The following SLC35C1 variants were observed in gnomAD, a reference collection of about 807,000 sequenced individuals.
SLC35C1 encodes the protein GDP-fucose transporter 1.
In SLC35C1, 8 loss-of-function variants were observed where a neutral mutation model predicts 23.2. The observed-to-expected ratio is 0.35, with a 90% CI of 0.20 to 0.62. SLC35C1 has a LOEUF of 0.62. SLC35C1 is among the 20% of genes least tolerant of loss of function. The pLI, the probability that SLC35C1 is intolerant of heterozygous loss-of-function variation, is 0.75. For synonymous variants in SLC35C1, 226 were observed against 225.1 expected, an observed-to-expected ratio of 1.00 and a Z score of -0.04; for missense variants, 422 against 478.6, an observed-to-expected ratio of 0.88 and a Z score of 1.10.
At chr11:45,804,987 G>T (rs2085851399), upstream of SLC35C1, 1 of 985,652 alleles carries the variant, frequency 1.0e-6, no homozygotes, top group Non-Finnish European at 1.2e-6. Flanking sequence ...GAGGTCCCCC[G>T]CCAGCAGCGG....
Position 45,806,223 on chromosome 11 carries a change from C to A in SLC35C1, c.422C>A (p.Ala141Asp). 1 of 1,606,954 alleles carries A rather than the reference C, an allele frequency of 6.2e-7. No homozygotes were observed. The change falls in exon 1 of 2, where the codon GCC (alanine) becomes GAC (aspartate). Residue 141 changes from alanine (A) to aspartate (D), a missense_variant. Physicochemically the swap from Ala to Asp is moderately radical, Grantham distance 126 (BLOSUM62 -2). Coordinates refer to ENST00000314134, the MANE Select transcript of SLC35C1 (RefSeq NM_018389.5). ...CTCTGCCTCAAGTACGTCGGTGTGGCCTTCTACAATGTGGGCCGCTCACTC... is the reference window on the plus strand; with the variant it reads ...CTCTGCCTCAAGTACGTCGGTGTGGACTTCTACAATGTGGGCCGCTCACTC... ...NNLCLKYVGV[A>D]FYNVGRSLTT...
Position 45,805,285 on chromosome 11 carries a change from C to A in SLC35C1, c.-517C>A. On this transcript the variant is annotated 5_prime_UTR_variant, in exon 1 of 2. Transcript: ENST00000314134. ...CCCTCTGACCCTTCCGCAGCCCTCC[C>A]TCCAGCCGCGCCCGGCCTCCGGCAG... 1 of 1,044,256 alleles carries A rather than the reference C, an allele frequency of 9.6e-7. No individual in the cohort carries two copies. Among genetic ancestry groups the A allele is most frequent in the Non-Finnish European group, 1.2e-6 (1 of 863,058 alleles). The allele number at this position is 1,044,256 out of a possible 1,614,324, so 64.7% of individuals were successfully genotyped here. A position where few individuals can be genotyped will look rare whatever the true frequency, so the allele number is the denominator to read the frequency against.
intron 1 of SLC35C1, among the ~76,000 whole-genome samples, chr11:45,809,235 C>T (rs1230766381): frequency 6.6e-6 from 1 of 152,150 alleles, no homozygotes; most frequent in Admixed American, 6.6e-5. Context: ...GACAGTTACG[C>T]TAGCATAGTA....
In SLC35C1 at chr11:45,813,005, GAA is replaced by G. The variant is rs1203602047; in HGVS notation, c.*1671_*1672del. On this transcript the variant is annotated 3_prime_UTR_variant, in exon 2 of 2. Transcript: ENST00000314134. ...CCTGAGTTGTTTGTGATTCAATAAA[GAA>G]TCCATAAGATCCTGTGTGTGTGGCC... The G allele has an allele frequency of 1.3e-5, 3 of 227,274 alleles. No individual in the cohort carries two copies. The highest frequency in any genetic ancestry group is 1.9e-4 in the East Asian group (2 of 10,730). 14.1% of individuals were successfully genotyped at this position (227,274 alleles called of 1,614,324 possible). A position where few individuals can be genotyped will look rare whatever the true frequency, so the allele number is the denominator to read the frequency against.
At position 45,811,724 on chromosome 11, in the gene SLC35C1, CA is replaced by C. The variant is rs2085950591; in HGVS notation, c.*392del. 1 of 181,522 alleles carries C rather than the reference CA, an allele frequency of 5.5e-6. No homozygotes were observed. Among genetic ancestry groups the C allele is most frequent in the Non-Finnish European group, 1.2e-5 (1 of 85,408 alleles). The allele number at this position is 181,522 out of a possible 1,614,324, so 11.2% of individuals were successfully genotyped here. A position where few individuals can be genotyped will look rare whatever the true frequency, so the allele number is the denominator to read the frequency against. On this transcript the variant is annotated 3_prime_UTR_variant, in exon 2 of 2. Transcript: ENST00000314134. ...TGAAGGGACAGCAATGGCAAAGCCA[CA>C]AAGGCTTCACTGTACTCAGGGGAGA...
intron 1 of SLC35C1, chr11:45,810,095 T>C: frequency 2.0e-6 from 2 of 985,234 alleles, no homozygotes; most frequent in Non-Finnish European, 2.4e-6. Flanking sequence ...GGGGCGACCA[T>C]AGGACAGAGG....
upstream of SLC35C1, chr11:45,804,672 C>A (rs1170322636): frequency 3.0e-6 from 3 of 985,384 alleles, no homozygotes; most frequent in Non-Finnish European, 3.6e-6. Flanking sequence ...TGGGAGAGGG[C>A]CTGGGGGCGG....
chr11:45,806,455 T>G (rs1029994264), intron 1 of SLC35C1, 119 bp downstream of exon 1: 46 of 1,351,036 alleles, frequency 3.4e-5, no homozygotes, highest in African/African-American at 5.8e-5. Context: ...GCAGCAGTCA[T>G]AGGAGAAAGA....
intron 1 of SLC35C1, 51 bp downstream of exon 1, chr11:45,806,387 C>T: frequency 6.3e-7 from 1 of 1,595,262 alleles, no homozygotes; most frequent in Non-Finnish European, 8.5e-7. Context: ...GGGACTGAAG[C>T]AGTGAAGAAC....
chr11:45,805,056 GCT>G (rs1457793284), upstream of SLC35C1: 2 of 985,570 alleles, frequency 2.0e-6, no homozygotes, highest in Non-Finnish European at 2.4e-6. Context: ...TGGGGCTGTC[GCT>G]TTAAGGGCAA....
intron 1 of SLC35C1, chr11:45,806,888 T>C (rs1039189480): frequency 1.6e-5 from 16 of 985,202 alleles, no homozygotes; most frequent in Non-Finnish European, 1.7e-5. Flanking sequence ...TTAATAAATA[T>C]ACCATCACTC....
chr11:45,806,394 G>A, intron 1 of SLC35C1, 58 bp downstream of exon 1: 1 of 1,589,340 alleles, frequency 6.3e-7, no homozygotes, highest in Non-Finnish European at 8.5e-7. Flanking sequence ...AAGCAGTGAA[G>A]AACAACTCTT....
chr11:45,809,575 G>C, intron 1 of SLC35C1, among the ~76,000 whole-genome samples: 1 of 152,184 alleles, frequency 6.6e-6, no homozygotes, highest in East Asian at 1.9e-4. Context: ...AGCCTGGACC[G>C]ATCTGGACTT....
At position 45,811,106 on chromosome 11, in the gene SLC35C1, A is replaced by G. The variant is rs2085939659; in HGVS notation, c.866A>G (p.Lys289Arg). The G allele has an allele frequency of 6.2e-7, 1 of 1,613,248 alleles. No homozygotes were observed. The highest frequency in any genetic ancestry group is 1.6e-4 in the Middle Eastern group (1 of 6,062). The change falls in exon 2 of 2, where the codon AAG (lysine) becomes AGG (arginine). Residue 289 changes from lysine to arginine, a missense_variant. Physicochemically the swap from Lys to Arg is conservative, Grantham distance 26. Transcript: ENST00000314134. Reference protein sequence around the residue: ...AIGYVTGLQIKFTSPLTHNVS... With the variant: ...AIGYVTGLQIRFTSPLTHNVS... The stretch of plus-strand genomic sequence containing the variant: ...GGCTACGTGACAGGACTGCAGATCA[A>G]GTTCACCAGTCCGCTGACCCACAAT...
In SLC35C1 at chr11:45,811,141, A is replaced by T. The variant is rs1038195884; in HGVS notation, c.901A>T (p.Thr301Ser). Residue 301 changes from threonine to serine, a missense_variant, in exon 2 of 2, where the codon ACG (threonine) becomes TCG (serine). Thr to Ser is a moderately conservative substitution (Grantham distance 58). Transcript: ENST00000314134. ...TCCGCTGACCCACAATGTGTCGGGC[A>T]CGGCCAAGGCCTGTGCCCAGACAGT... ...TSPLTHNVSG[T>S]AKACAQTVLA... The T allele has an allele frequency of 6.2e-7, 1 of 1,611,662 alleles. No individual in the cohort carries two copies. Among genetic ancestry groups the T allele is most frequent in the African/African-American group, 1.3e-5 (1 of 74,952 alleles).
chr11:45,806,081 C>G lies in SLC35C1; in HGVS notation c.280C>G (p.Leu94Val). The G allele has an allele frequency of 6.2e-7, 1 of 1,612,082 alleles. No individual in the cohort carries two copies. Among genetic ancestry groups the G allele is most frequent in the South Asian group, 1.1e-5 (1 of 91,066 alleles). Reference protein sequence around the residue: ...TTLLCKGLSALAACCPGAVDF... With the variant: ...TTLLCKGLSAVAACCPGAVDF... ...GCTGCTGTGCAAAGGCCTCAGCGCTCTGGCCGCCTGCTGCCCTGGTGCCGT... is the reference window on the plus strand; with the variant it reads ...GCTGCTGTGCAAAGGCCTCAGCGCTGTGGCCGCCTGCTGCCCTGGTGCCGT... The change falls in exon 1 of 2, where the codon CTG (leucine) becomes GTG (valine). Residue 94 changes from leucine (L) to valine (V), a missense_variant. By Grantham distance (32) the Leu-to-Val change is conservative (BLOSUM62 1). Coordinates refer to ENST00000314134, the MANE Select transcript of SLC35C1 (RefSeq NM_018389.5).
rs1227900415 is a variant in SLC35C1 at position 45,812,531 on chromosome 11, G to C, written c.*1196G>C. On this transcript the variant is annotated 3_prime_UTR_variant, in exon 2 of 2. Transcript: ENST00000314134. ...GGCCAGCAGATTCGGACTCCGCTGAGGGCTGTTTCCCGATCCATAGATGGT... is the reference window on the plus strand; with the variant it reads ...GGCCAGCAGATTCGGACTCCGCTGACGGCTGTTTCCCGATCCATAGATGGT... The C allele has an allele frequency of 4.4e-6, 2 of 455,920 alleles. No homozygotes were observed. The highest frequency in any genetic ancestry group is 1.5e-5 in the South Asian group (1 of 64,564). 28.2% of individuals were successfully genotyped at this position (455,920 alleles called of 1,614,324 possible). A position where few individuals can be genotyped will look rare whatever the true frequency, so the allele number is the denominator to read the frequency against.
At chr11:45,805,011 GGGGCGGGGCT>G, upstream of SLC35C1, 4 of 985,742 alleles carry the variant, frequency 4.1e-6, no homozygotes, top group Non-Finnish European at 4.8e-6. Flanking sequence ...GCGGAGCGCA[GGGGCGGGGCT>G]GGGGACTGGC....
chr11:45,812,755 A>G lies in SLC35C1; in HGVS notation c.*1420A>G, dbSNP rs2085964707. 1.1e-5 allele frequency: 5 copies of G among 435,852 alleles called. No individual in the cohort carries two copies. Among genetic ancestry groups the G allele is most frequent in the Non-Finnish European group, 2.3e-5 (5 of 214,780 alleles). The allele number at this position is 435,852 out of a possible 1,614,324, so 27.0% of individuals were successfully genotyped here. A position where few individuals can be genotyped will look rare whatever the true frequency, so the allele number is the denominator to read the frequency against. On this transcript the variant is annotated 3_prime_UTR_variant, in exon 2 of 2. Coordinates refer to ENST00000314134, the MANE Select transcript of SLC35C1 (RefSeq NM_018389.5). ...GCAGGGGGAGTGGGGGACACACACA[A>G]ATTTCGGGGCCATACCACCCTTCAC...
Sources: allele counts gnomAD v4.1 joint callset (sites outside exome capture counted in the v4.1 genomes callset), GRCh38; gene constraint gnomAD v4.1.1; transcripts MANE v1.5; gene names NCBI Gene and HGNC (gene_info 2026-07-23, HGNC 2026-07-21).